MAF: variants seen among roughly 807,000 people sequenced by gnomAD.
MAF encodes transcription factor Maf.
Under a neutral mutation model 22.0 loss-of-function variants are expected in MAF, and 10 were observed. The ratio of observed to expected loss-of-function variants is 0.45; its 90% CI spans 0.28 to 0.77. The LOEUF is 0.77. Ranked by LOEUF, MAF falls within the 30% of genes least tolerant of loss-of-function variation. The pLI, the probability that MAF is intolerant of heterozygous loss-of-function variation, is 0.12. For missense variants in MAF, 544 were observed against 548.4 expected (o/e 0.99, Z 0.08); for synonymous variants, 337 against 255.8 (o/e 1.32, Z -3.03).
At chr16:79,329,858 C>A in the MAF span, among the ~76,000 whole-genome samples, 1 of 152,140 alleles carries the variant, frequency 6.6e-6, no homozygotes, top group Non-Finnish European at 1.5e-5. Context: ...ACTCGATTAT[C>A]TTTCCTACTC....
downstream of MAF, among the ~76,000 whole-genome samples, chr16:79,589,833 G>T (rs1456128639): frequency 1.3e-5 from 2 of 152,218 alleles, no homozygotes; most frequent in African/African-American, 2.4e-5. Context: ...CCTGGGGCGC[G>T]CTGGGTGTGG....
At chr16:79,375,937 A>T in the MAF span, among the ~76,000 whole-genome samples, 33 of 152,184 alleles carry the variant, frequency 2.2e-4, no homozygotes, top group Non-Finnish European at 4.3e-4. Context: ...ACTGCACTGG[A>T]GATCTGGGTG....
At chr16:79,322,857 A>G in the MAF span, among the ~76,000 whole-genome samples, 26 of 152,158 alleles carry the variant, frequency 1.7e-4, no homozygotes, top group South Asian at 4.2e-4. Context: ...TTTTCCTTCA[A>G]TAGGCAATTG....
the MAF span, among the ~76,000 whole-genome samples, chr16:79,451,897 C>G: frequency 6.6e-6 from 1 of 152,290 alleles, no homozygotes; most frequent in South Asian, 2.1e-4. Flanking sequence ...CTAGGTAGAG[C>G]AAATTTATAT....
At chr16:79,240,487 GAAAAAAAAAAAAAAAAAA>G in the MAF span, among the ~76,000 whole-genome samples, 95 of 60,724 alleles carry the variant, frequency 1.6e-3, 1 homozygote, top group Non-Finnish European at 3.4e-3. Context: ...AGCATCTCTG[GAAAAAAAAAAAAAAAAAA>G]AAAAAAAAAA....
the MAF span, among the ~76,000 whole-genome samples, chr16:79,238,409 C>T: frequency 6.6e-6 from 1 of 152,022 alleles, no homozygotes; most frequent in Non-Finnish European, 1.5e-5. Flanking sequence ...GTCTTTTTTA[C>T]TTATTTGGGT....
chr16:79,249,532 C>G, the MAF span, among the ~76,000 whole-genome samples: 1 of 152,040 alleles, frequency 6.6e-6, no homozygotes, highest in Non-Finnish European at 1.5e-5. Context: ...ACCAAATCTG[C>G]TGCAACCTGA....
the MAF span, among the ~76,000 whole-genome samples, chr16:79,549,204 T>C: frequency 6.6e-6 from 1 of 151,914 alleles, no homozygotes; most frequent in Non-Finnish European, 1.5e-5. Flanking sequence ...GAGTGTCCAG[T>C]GGCATTTCCT....
At chr16:79,209,312 T>C in the MAF span, among the ~76,000 whole-genome samples, 2 of 152,164 alleles carry the variant, frequency 1.3e-5, no homozygotes, top group Admixed American at 1.3e-4. Context: ...TTAGCAAAAA[T>C]ACCATTCCAG....
At chr16:79,209,032 C>T in the MAF span, among the ~76,000 whole-genome samples, 1 of 152,104 alleles carries the variant, frequency 6.6e-6, no homozygotes, top group Non-Finnish European at 1.5e-5. Flanking sequence ...TTCGGGTGCC[C>T]CTCCTGTGTA....
At chr16:79,220,633 G>C in the MAF span, among the ~76,000 whole-genome samples, 1 of 152,042 alleles carries the variant, frequency 6.6e-6, no homozygotes, top group East Asian at 1.9e-4. Flanking sequence ...TATAAATCGT[G>C]GTTTAGTAAA....
At chr16:79,516,674 A>G in the MAF span, among the ~76,000 whole-genome samples, 1 of 152,160 alleles carries the variant, frequency 6.6e-6, no homozygotes, top group South Asian at 2.1e-4. Context: ...GAAGATGGCA[A>G]TTTTATTATT....
the MAF span, among the ~76,000 whole-genome samples, chr16:79,362,466 T>C: frequency 6.6e-6 from 1 of 152,214 alleles, no homozygotes; most frequent in African/African-American, 2.4e-5. Flanking sequence ...ATGTCGAATG[T>C]TTGACTCAGC....
the MAF span, among the ~76,000 whole-genome samples, chr16:79,441,904 G>T: frequency 3.3e-5 from 5 of 152,328 alleles, no homozygotes; most frequent in East Asian, 9.6e-4. Context: ...CGATGACGAG[G>T]ATCTTTGTAA....
the MAF span, among the ~76,000 whole-genome samples, chr16:79,367,546 C>T: frequency 2.0e-5 from 3 of 152,178 alleles, no homozygotes; most frequent in Admixed American, 6.5e-5. Context: ...ATACTACATA[C>T]TAAGTGACTC....
the MAF span, among the ~76,000 whole-genome samples, chr16:79,333,080 T>C: frequency 5.9e-5 from 9 of 152,196 alleles, no homozygotes; most frequent in Admixed American, 5.9e-4. Context: ...AGCATAAGGA[T>C]AGGCGCTGCA....
the MAF span, among the ~76,000 whole-genome samples, chr16:79,367,066 C>T: frequency 4.1e-4 from 62 of 152,208 alleles, no homozygotes; most frequent in Middle Eastern, 3.4e-3. Flanking sequence ...ATAATTTACC[C>T]CTAATCTATC....
At chr16:79,242,163 T>C in the MAF span, among the ~76,000 whole-genome samples, 6 of 152,026 alleles carry the variant, frequency 3.9e-5, no homozygotes, top group South Asian at 1.2e-3. Context: ...AGCATCATAA[T>C]GGCAGGATCA....
At chr16:79,214,541 G>C in the MAF span, among the ~76,000 whole-genome samples, 1 of 151,866 alleles carries the variant, frequency 6.6e-6, no homozygotes, top group Non-Finnish European at 1.5e-5. Flanking sequence ...AAATAGCTGG[G>C]ATTACAGGTA....
Sources: gnomAD v4.1 joint callset for allele counts (sites outside exome capture counted in the v4.1 genomes callset) on GRCh38, gnomAD v4.1.1 for gene constraint, MANE v1.5 for transcripts, NCBI Gene and HGNC (gene_info 2026-07-23, HGNC 2026-07-21) for gene names.